MS4A6E: variants seen among roughly 807,000 people sequenced by gnomAD.
MS4A6E encodes membrane spanning 4-domains A6E.
MS4A6E carries 8 observed loss-of-function variants against 13.2 expected under a neutral mutation model. The observed-to-expected ratio is 0.60, with a 90% confidence interval of 0.35 to 1.09. The LOEUF (loss-of-function observed/expected upper bound fraction) is 1.09. Among genes scored for constraint, MS4A6E ranks in the 50% least tolerant of loss-of-function variants. MS4A6E has a pLI of 0.02. For missense variants in MS4A6E, 177 were observed against 171.1 expected (o/e 1.03, Z -0.19); for synonymous variants, 72 against 67.6 (o/e 1.06, Z -0.32).
At chr11:60,342,171 GTGTGTGTGAGAGAGAGAGAGAGAGAGA>G (rs2085229861), downstream of MS4A6E, among the ~76,000 whole-genome samples, 2 of 33,180 alleles carry the variant, frequency 6.0e-5, no homozygotes, top group African/African-American at 2.2e-4. Context: ...GTGTGTGTGT[GTGTGTGTGAGAGAGAGAGAGAGAGAGA>G]GAGGGGGGGG....
chr11:60,331,103 G>C (rs1294925829), intron 1 of MS4A6E, among the ~76,000 whole-genome samples: 5 of 152,026 alleles, frequency 3.3e-5, no homozygotes, highest in Non-Finnish European at 5.9e-5. Context: ...CTTTAAATAT[G>C]TACAATGAAA....
intron 2 of MS4A6E, among the ~76,000 whole-genome samples, chr11:60,337,390 G>T (rs2085194354): frequency 1.3e-5 from 2 of 152,118 alleles, no homozygotes; most frequent in South Asian, 4.1e-4. Context: ...AACTGCATCT[G>T]GTACATTGCC....
intron 1 of MS4A6E, among the ~76,000 whole-genome samples, chr11:60,327,895 T>A (rs1398909459): frequency 6.6e-6 from 1 of 151,938 alleles, no homozygotes. Context: ...CCTGTCATGG[T>A]GGTGCACACC....
At chr11:60,327,699 C>G (rs1240469877) in intron 1 of MS4A6E, among the ~76,000 whole-genome samples, 1 of 152,046 alleles carries the variant, frequency 6.6e-6, no homozygotes, top group Non-Finnish European at 1.5e-5. Flanking sequence ...GAGTGCCATT[C>G]TGATGTGGTG....
intron 4 of MS4A6E, among the ~76,000 whole-genome samples, chr11:60,340,312 C>A (rs2085216329): frequency 6.6e-6 from 1 of 152,168 alleles, no homozygotes; most frequent in Non-Finnish European, 1.5e-5. Context: ...TGGCTTGCCT[C>A]CCTTCTAAGC....
chr11:60,347,166 G>T (rs1363637196), intron 4 of MS4A6E, among the ~76,000 whole-genome samples: 2 of 152,168 alleles, frequency 1.3e-5, no homozygotes, highest in African/African-American at 4.8e-5. Flanking sequence ...GAGACTGGAA[G>T]GGTTGAGACA....
At chr11:60,342,194 AGAGAGAGGG>A (rs2085231281), downstream of MS4A6E, among the ~76,000 whole-genome samples, 1 of 84,574 alleles carries the variant, frequency 1.2e-5, no homozygotes, top group African/African-American at 5.3e-5. Flanking sequence ...AGAGAGAGAG[AGAGAGAGGG>A]GGGGGGAGAG....
At chr11:60,330,698 A>G (rs2085149568) in intron 1 of MS4A6E, among the ~76,000 whole-genome samples, 1 of 152,102 alleles carries the variant, frequency 6.6e-6, no homozygotes, top group East Asian at 1.9e-4. Context: ...GCCTATGCCT[A>G]TGTCCTGAAT....
At chr11:60,343,239 A>C (rs1272758288), downstream of MS4A6E, among the ~76,000 whole-genome samples, 5 of 152,236 alleles carry the variant, frequency 3.3e-5, no homozygotes, top group Non-Finnish European at 7.3e-5. Flanking sequence ...TAACCATGCC[A>C]GTGGAGTTTG....
rs571813840 is a variant in MS4A6E, at chr11:60,341,157, T to C, written c.*391T>C. On this transcript the variant is annotated 3_prime_UTR_variant, in exon 5 of 5. Transcript: ENST00000684409. ...TGAGGCAAAGGATACAGCTTTTTCTTATACTCCTCAATTGTGAACAGGAGT... is the reference window on the plus strand; with the variant it reads ...TGAGGCAAAGGATACAGCTTTTTCTCATACTCCTCAATTGTGAACAGGAGT... Among the ~76,000 whole-genome samples, 3 of 152,274 alleles carry C rather than the reference T, an allele frequency of 2.0e-5. No individual in the cohort carries two copies. The South Asian group carries it at 6.2e-4, about 32-fold the overall frequency.
chr11:60,334,879 T>C lies in MS4A6E; in HGVS notation c.-14-3T>C. 1 of 1,612,742 alleles carries C rather than the reference T, an allele frequency of 6.2e-7. No homozygotes were observed. The highest frequency in any genetic ancestry group is 8.5e-7 in the Non-Finnish European group (1 of 1,179,136). The stretch of plus-strand genomic sequence containing the variant: ...AGAGCTAAATCTATTTTTTCTTCCG[T>C]AGTTGGCAACACCATTATGACATCA... On this transcript the variant is annotated splice_region_variant and splice_polypyrimidine_tract_variant and intron_variant, in intron 1 of 4. Coordinates refer to ENST00000684409, the MANE Select transcript of MS4A6E (RefSeq NM_139249.4).
chr11:60,327,825 T>C (rs12804091), intron 1 of MS4A6E, among the ~76,000 whole-genome samples: 52,701 of 151,038 alleles, frequency 0.35, 9,780 homozygotes, highest in East Asian at 0.41. Context: ...AGGTCAGGAG[T>C]TCAAGACCAG....
chr11:60,335,005 T>C lies in MS4A6E; in HGVS notation c.110T>C (p.Leu37Pro), dbSNP rs2085179532. The C allele has an allele frequency of 6.2e-7, 1 of 1,614,130 alleles. No individual in the cohort carries two copies. Among genetic ancestry groups the C allele is most frequent in the Non-Finnish European group, 8.5e-7 (1 of 1,180,016 alleles). ...CCCACCAACCAGGGGCAGGATAGCCTGAAGAAACGTCTACAGGCAAAAGTC... is the reference window on the plus strand; with the variant it reads ...CCCACCAACCAGGGGCAGGATAGCCCGAAGAAACGTCTACAGGCAAAAGTC... ...PEPTNQGQDS[L>P]KKRLQAKVKV... Residue 37 changes from leucine (L) to proline (P), a missense_variant, in exon 2 of 5, where the codon CTG (leucine) becomes CCG (proline). By Grantham distance (98) the Leu-to-Pro change is moderately conservative. Transcript: ENST00000684409.
At chr11:60,333,400 A>C (rs1178686847) in intron 1 of MS4A6E, among the ~76,000 whole-genome samples, 1 of 152,244 alleles carries the variant, frequency 6.6e-6, no homozygotes, top group Non-Finnish European at 1.5e-5. Context: ...GTTTTCCAGC[A>C]ATCCAAAGAA....
intron 1 of MS4A6E, among the ~76,000 whole-genome samples, chr11:60,334,387 T>G (rs575294902): frequency 6.6e-6 from 1 of 152,290 alleles, no homozygotes; most frequent in South Asian, 2.1e-4. Flanking sequence ...CTGTAATGAC[T>G]GGAGGAGGTT....
chr11:60,337,996 G>A (rs371279116), intron 3 of MS4A6E, 49 bp downstream of exon 3: 122 of 1,558,252 alleles, frequency 7.8e-5, no homozygotes, highest in Admixed American at 6.7e-4. Context: ...GTTTCTGAAA[G>A]CCTTGATTTC....
chr11:60,335,401 C>T lies in MS4A6E; in HGVS notation c.147+359C>T, dbSNP rs535451963. 3.1e-4 allele frequency: 115 copies of T among 372,676 alleles called. 2 individuals are homozygous for T. Among genetic ancestry groups the T allele is most frequent in the South Asian group, 2.5e-3 (114 of 46,336 alleles). 23.1% of individuals were successfully genotyped at this position (372,676 alleles called of 1,614,324 possible). On this transcript the variant is annotated intron_variant, in intron 2 of 4. Transcript: ENST00000684409. ...GCATGCTTAACAATCCACACTGATTCTTTGCAAGGAATTTTTCCCTTACTG... is the reference window on the plus strand; with the variant it reads ...GCATGCTTAACAATCCACACTGATTTTTTGCAAGGAATTTTTCCCTTACTG...
intron 2 of MS4A6E, chr11:60,335,774 A>C (rs2085185159): frequency 3.1e-6 from 1 of 322,118 alleles, no homozygotes; most frequent in South Asian, 2.5e-5. Flanking sequence ...TTGGTAAATG[A>C]TAATAGAGCT....
At chr11:60,341,855 C>T (rs1248269933), downstream of MS4A6E, among the ~76,000 whole-genome samples, 1 of 152,134 alleles carries the variant, frequency 6.6e-6, no homozygotes, top group African/African-American at 2.4e-5. Flanking sequence ...TTTGCACCCC[C>T]CACTGACACA....
Sources: allele counts gnomAD v4.1 joint callset (sites outside exome capture counted in the v4.1 genomes callset), GRCh38; gene constraint gnomAD v4.1.1; transcripts MANE v1.5; gene names NCBI Gene and HGNC (gene_info 2026-07-23, HGNC 2026-07-21).